The following NUDT6 variants were observed in gnomAD, a reference collection of about 807,000 sequenced individuals.
NUDT6 encodes the protein nudix hydrolase 6, also known as FAD diphosphatase NUDT6.
Under a neutral mutation model 36.8 loss-of-function variants are expected in NUDT6, and 24 were observed. The observed-to-expected ratio is 0.65, with a 90% CI of 0.47 to 0.92. The LOEUF is 0.92. NUDT6 is among the 40% of genes least tolerant of loss of function. The probability of loss-of-function intolerance (pLI) is 0.00; values close to 1 mark genes in which losing one functional copy is unlikely to be tolerated. For missense variants in NUDT6, 388 were observed against 392.8 expected (o/e 0.99, Z 0.10); for synonymous variants, 163 against 157.0 (o/e 1.04, Z -0.29).
chr4:122,906,381 T>A (rs1727616360), intron 3 of NUDT6, among the ~76,000 whole-genome samples: 1 of 152,194 alleles, frequency 6.6e-6, no homozygotes, highest in Non-Finnish European at 1.5e-5. Flanking sequence ...ACTTTTAAAG[T>A]GCCATGGCTA....
chr4:122,918,678 T>C (rs1041166604), intron 1 of NUDT6: 3 of 152,218 alleles, frequency 2.0e-5, no homozygotes, highest in African/African-American at 7.2e-5. Flanking sequence ...TTAAGGACAA[T>C]GTTCTCTACC....
intron 1 of NUDT6, chr4:122,920,473 G>A (rs1727949453): frequency 6.6e-6 from 1 of 152,200 alleles, no homozygotes; most frequent in Non-Finnish European, 1.5e-5. Flanking sequence ...TGGTACTTAA[G>A]TTTACAAATT....
intron 2 of NUDT6, among the ~76,000 whole-genome samples, chr4:122,913,562 G>A (rs1489973576): frequency 6.6e-6 from 1 of 152,144 alleles, no homozygotes; most frequent in African/African-American, 2.4e-5. Context: ...ATACAACACA[G>A]GCTGTGCCCC....
chr4:122,907,595 C>T (rs1027197206), intron 3 of NUDT6, among the ~76,000 whole-genome samples: 8 of 151,726 alleles, frequency 5.3e-5, no homozygotes, highest in South Asian at 2.1e-4. Flanking sequence ...GAACTACAGG[C>T]GCCCACCACC....
intron 4 of NUDT6, 29 bp from the exon 5 acceptor site, chr4:122,893,254 A>G (rs1400332181): frequency 3.9e-6 from 6 of 1,549,148 alleles, no homozygotes; most frequent in African/African-American, 2.8e-5. Context: ...GTACAAATCA[A>G]TAATAATTAC....
intron 3 of NUDT6, among the ~76,000 whole-genome samples, chr4:122,904,172 G>C (rs905775985): frequency 6.6e-5 from 10 of 152,162 alleles, no homozygotes; most frequent in African/African-American, 2.2e-4. Flanking sequence ...TTTCAGCCAG[G>C]AAGGAGACTG....
intron 3 of NUDT6, among the ~76,000 whole-genome samples, chr4:122,908,643 G>C (rs1483390577): frequency 2.0e-5 from 3 of 152,146 alleles, no homozygotes; most frequent in African/African-American, 7.2e-5. Flanking sequence ...GACCTCTTGA[G>C]ATGCATTTCC....
intron 4 of NUDT6, 157 bp downstream of exon 4, chr4:122,897,467 C>A: frequency 1.5e-6 from 1 of 649,170 alleles, no homozygotes; most frequent in South Asian, 1.8e-5. Flanking sequence ...AATTATGCTG[C>A]TAATTATATC....
chr4:122,896,806 T>C lies in NUDT6; in HGVS notation c.553+818A>G, dbSNP rs45561135. ...AAATATTTAAAGACAATTTAGAAAA[T>C]TGCCTTAATATCATTGTTGGCTAAA... On this transcript the variant is annotated intron_variant, in intron 4 of 4. Coordinates refer to ENST00000304430, the MANE Select transcript of NUDT6 (RefSeq NM_007083.5). 2.0e-5 allele frequency: 3 copies of C among 152,240 alleles called. No individual in the cohort carries two copies. In the East Asian group the frequency reaches 5.8e-4, roughly 29 times the overall value. 9.4% of individuals were successfully genotyped at this position (152,240 alleles called of 1,614,324 possible).
chr4:122,897,721 T>G, intron 3 of NUDT6, 43 bp from the exon 4 acceptor site: 1 of 1,251,938 alleles, frequency 8.0e-7, no homozygotes, highest in African/African-American at 1.5e-5. Context: ...TAACTTTCAC[T>G]AACACACACA....
At chr4:122,893,295 C>A in intron 4 of NUDT6, 70 bp from the exon 5 acceptor site, 1 of 1,430,456 alleles carries the variant, frequency 7.0e-7, no homozygotes, top group South Asian at 1.4e-5. Context: ...CAAAGATTTT[C>A]AGTTAAAGTA....
chr4:122,908,444 C>A lies in NUDT6; in HGVS notation c.498+4124G>T, dbSNP rs573927446. On this transcript the variant is annotated intron_variant, in intron 3 of 4. Transcript: ENST00000304430. ...CTTAATCAATTGTAAATTAGAGAAT[C>A]TGTGAATCTACCTATAGCCAGTAAG... is the stretch of plus-strand genomic sequence containing the variant. Among the ~76,000 whole-genome samples the A allele has an allele frequency of 5.1e-4, 77 of 152,342 alleles. No individual in the cohort carries two copies. In the South Asian group the frequency reaches 0.016, roughly 31 times the overall value.
At chr4:122,905,850 C>T (rs1487413554) in intron 3 of NUDT6, among the ~76,000 whole-genome samples, 1 of 152,140 alleles carries the variant, frequency 6.6e-6, no homozygotes, top group Admixed American at 6.5e-5. Context: ...CTGATGACTC[C>T]TAAGAGGTCA....
At chr4:122,894,541 C>T (rs1191394129) in intron 4 of NUDT6, 7 of 152,106 alleles carry the variant, frequency 4.6e-5, no homozygotes, top group African/African-American at 1.7e-4. Context: ...GAGCCATAAT[C>T]GTGCCACTGC....
chr4:122,904,490 G>A (rs1431883887), intron 3 of NUDT6, among the ~76,000 whole-genome samples: 1 of 150,832 alleles, frequency 6.6e-6, no homozygotes, highest in African/African-American at 2.4e-5. Flanking sequence ...ACAGAGTCTT[G>A]CTCTGTCAGC....
intron 3 of NUDT6, among the ~76,000 whole-genome samples, chr4:122,903,630 C>T (rs1357259605): frequency 1.3e-5 from 2 of 152,160 alleles, no homozygotes; most frequent in Non-Finnish European, 2.9e-5. Context: ...ATTCTGCTAA[C>T]CAGTTTCTGC....
At chr4:122,905,317 A>C (rs1727598406) in intron 3 of NUDT6, among the ~76,000 whole-genome samples, 1 of 152,176 alleles carries the variant, frequency 6.6e-6, no homozygotes, top group South Asian at 2.1e-4. Flanking sequence ...AATAAAATCA[A>C]GTTTCTTAAT....
In NUDT6 at chr4:122,911,887, A is replaced by G. The variant is rs547922661; in HGVS notation, c.498+681T>C. ...TCCAATCCTCTTCACATTGTTTCCA[A>G]TCTAGCTCTCAAGTCAAATATCTTA... On this transcript the variant is annotated intron_variant, in intron 3 of 4. Transcript: ENST00000304430. 4.6e-5 allele frequency among the ~76,000 whole-genome samples: 7 copies of G among 152,270 alleles called. No individual in the cohort carries two copies. The South Asian group carries it at 1.5e-3, about 32-fold the overall frequency.
At position 122,893,051 on chromosome 4, in the gene NUDT6, C is replaced by G; in HGVS notation, c.728G>C (p.Cys243Ser). ...SFTINFCQEECLRCEWMDLND... is the reference protein window; with the variant it reads ...SFTINFCQEESLRCEWMDLND... ...GAGATCCATCCACTCACATCTTAAG[C>G]ATTCTTCCTGGCAAAAATTTATGGT... The change falls in exon 5 of 5, where the codon TGC becomes TCC. Residue 243 changes from cysteine (C) to serine (S), a missense_variant. Coordinates refer to ENST00000304430, the MANE Select transcript of NUDT6 (RefSeq NM_007083.5). 1 of 1,614,136 alleles carries G rather than the reference C, an allele frequency of 6.2e-7. No individual in the cohort carries two copies. Among genetic ancestry groups the G allele is most frequent in the South Asian group, 1.1e-5 (1 of 91,086 alleles).
Sources: allele counts gnomAD v4.1 joint callset (sites outside exome capture counted in the v4.1 genomes callset), GRCh38; gene constraint gnomAD v4.1.1; transcripts MANE v1.5; gene names NCBI Gene and HGNC (gene_info 2026-07-23, HGNC 2026-07-21).